The following TERF1 variants were observed in gnomAD, a reference collection of about 807,000 sequenced individuals.
The protein encoded by TERF1 is telomeric repeat binding factor 1.
A neutral mutation model predicts 55.1 loss-of-function variants in TERF1; 20 were observed. The ratio of observed to expected loss-of-function variants is 0.36; its 90% CI spans 0.26 to 0.53. The LOEUF (loss-of-function observed/expected upper bound fraction) is 0.53. Among genes scored for constraint, TERF1 ranks in the 20% least tolerant of loss-of-function variants. TERF1 has a pLI of 0.91. For missense variants in TERF1, 439 were observed against 535.7 expected, an observed-to-expected ratio of 0.82 and a Z score of 1.78; for synonymous variants, 168 against 181.2, an observed-to-expected ratio of 0.93 and a Z score of 0.59.
chr8:73,029,089 A>G (rs1010980903), intron 6 of TERF1, among the ~76,000 whole-genome samples: 3 of 152,198 alleles, frequency 2.0e-5, no homozygotes, highest in Non-Finnish European at 4.4e-5. Flanking sequence ...GCATCAAACC[A>G]CCAGTGTCAT....
At chr8:73,042,905 G>T (rs905761726) in intron 9 of TERF1, 1 of 152,152 alleles carries the variant, frequency 6.6e-6, no homozygotes, top group African/African-American at 2.4e-5. Flanking sequence ...ATAAAACAAA[G>T]GAAATGGGTT....
chr8:73,024,284 A>G lies in TERF1; in HGVS notation c.625-538A>G, dbSNP rs183910692. ...AAAATAACTACTTCTAGGAATATCA[A>G]ATCAGCATGGATAAATGTTGTAAAC... On this transcript the variant is annotated intron_variant, in intron 4 of 9. Transcript: ENST00000276603. Among the ~76,000 whole-genome samples, 104 of 152,356 alleles carry G rather than the reference A, an allele frequency of 6.8e-4. 1 individual carries two copies. The highest frequency in any genetic ancestry group is 1.4e-3 in the Admixed American group (21 of 15,308).
rs1267921187 is a variant in TERF1, at chr8:73,024,706, C to A, written c.625-116C>A. On this transcript the variant is annotated intron_variant, in intron 4 of 9. Transcript: ENST00000276603. Reference sequence around the variant, plus strand: ...ATTTAAAACTTAATTTTAAAAATATCTGTGTCTCTTGAGTTTGTAAAGTGA... The same window carrying A: ...ATTTAAAACTTAATTTTAAAAATATATGTGTCTCTTGAGTTTGTAAAGTGA... The A allele has an allele frequency of 5.4e-6, 4 of 742,364 alleles. No individual in the cohort carries two copies. In the East Asian group the frequency reaches 1.2e-4, roughly 22 times the overall value. 46.0% of individuals were successfully genotyped at this position (742,364 alleles called of 1,614,324 possible).
At chr8:73,015,683 A>G (rs1389689002) in intron 2 of TERF1, among the ~76,000 whole-genome samples, 2 of 151,466 alleles carry the variant, frequency 1.3e-5, no homozygotes, top group African/African-American at 4.8e-5. Flanking sequence ...TAAAAATACA[A>G]AAAAAAATAA....
intron 9 of TERF1, among the ~76,000 whole-genome samples, chr8:73,043,937 G>A (rs1372148416): frequency 6.6e-6 from 1 of 152,148 alleles, no homozygotes; most frequent in Non-Finnish European, 1.5e-5. Flanking sequence ...GAGTTGATAG[G>A]CTCTTTAAAG....
rs71949936 is a variant in TERF1, at chr8:73,017,707, C to CTT, written c.416-2964_416-2963dup. Among the ~76,000 whole-genome samples, 132 of 140,230 alleles carry CTT rather than the reference C, an allele frequency of 9.4e-4. 2 individuals carry two copies. The highest frequency in any genetic ancestry group is 7.4e-3 in the Middle Eastern group (2 of 272). The allele number at this position is 140,230 out of a possible 152,430, so 92.0% of individuals were successfully genotyped here. On this transcript the variant is annotated intron_variant, in intron 2 of 9. Coordinates refer to ENST00000276603, the MANE Select transcript of TERF1 (RefSeq NM_017489.3). ...GGGTATAGGCATCAATATTTTTTTT[C>CTT]TTTTTTTTTTTTTTGAGACAGAGTC... is the stretch of plus-strand genomic sequence containing the variant.
At chr8:73,028,899 A>G (rs1563465494) in intron 6 of TERF1, among the ~76,000 whole-genome samples, 1 of 152,178 alleles carries the variant, frequency 6.6e-6, no homozygotes, top group Non-Finnish European at 1.5e-5. Context: ...GAAGGTTCTT[A>G]CTTAGCTTTG....
intron 2 of TERF1, among the ~76,000 whole-genome samples, chr8:73,014,755 G>A (rs749366758): frequency 4.0e-4 from 61 of 152,232 alleles, no homozygotes; most frequent in Non-Finnish European, 7.6e-4. Flanking sequence ...TAAAATCCCA[G>A]TGTATTAGCA....
At chr8:73,009,256 C>T (rs1808170873) in intron 1 of TERF1, 51 bp downstream of exon 1, 3 of 1,560,020 alleles carry the variant, frequency 1.9e-6, no homozygotes, top group Non-Finnish European at 2.6e-6. Context: ...CGGATGCGGG[C>T]TCCGTGGTGC....
rs1376880394 is a variant in TERF1, at chr8:73,037,811, ATT to A, written c.1040-1304_1040-1303del. On this transcript the variant is annotated intron_variant, in intron 8 of 9. Transcript: ENST00000276603. Reference sequence around the variant, plus strand: ...TAATATATAGTATAATAATATATATATTATATATAATATATAGTATAATAATA... The same window carrying A: ...TAATATATAGTATAATAATATATATAATATATAATATATAGTATAATAATA... 1.9e-3 allele frequency among the ~76,000 whole-genome samples: 174 copies of A among 90,512 alleles called. 2 individuals are homozygous for A. The highest frequency in any genetic ancestry group is 6.8e-3 in the African/African-American group (158 of 23,376). The allele number at this position is 90,512 out of a possible 152,430, so 59.4% of individuals were successfully genotyped here.
intron 8 of TERF1, among the ~76,000 whole-genome samples, chr8:73,032,752 C>T (rs890326039): frequency 6.6e-6 from 1 of 151,988 alleles, no homozygotes; most frequent in Non-Finnish European, 1.5e-5. Flanking sequence ...ACAGTAGTTA[C>T]GTTTAATAAA....
intron 8 of TERF1, among the ~76,000 whole-genome samples, chr8:73,033,966 GAC>G (rs1372362353): frequency 6.6e-6 from 1 of 152,024 alleles, no homozygotes; most frequent in African/African-American, 2.4e-5. Flanking sequence ...TGTTTTTGGA[GAC>G]AGAGTCTTAC....
chr8:73,032,238 C>A, intron 8 of TERF1, 105 bp downstream of exon 8: 2 of 725,676 alleles, frequency 2.8e-6, no homozygotes, highest in Non-Finnish European at 4.4e-6. Context: ...CTTCAGAAAA[C>A]TGAAGCACAA....
At chr8:73,045,622 G>A (rs945618676) in intron 9 of TERF1, among the ~76,000 whole-genome samples, 6 of 152,114 alleles carry the variant, frequency 3.9e-5, no homozygotes, top group Non-Finnish European at 7.4e-5. Context: ...TTGGAGATTT[G>A]GAGGATAATA....
At chr8:73,040,806 T>C (rs1294605230) in intron 9 of TERF1, among the ~76,000 whole-genome samples, 1 of 152,212 alleles carries the variant, frequency 6.6e-6, no homozygotes, top group Non-Finnish European at 1.5e-5. Context: ...TTTTTCTGTT[T>C]ACTTTTCAGT....
At chr8:73,026,277 C>T (rs937543724) in intron 5 of TERF1, among the ~76,000 whole-genome samples, 3 of 151,504 alleles carry the variant, frequency 2.0e-5, no homozygotes, top group Non-Finnish European at 4.4e-5. Flanking sequence ...ATGGGTGGAT[C>T]GCTTGAGCCC....
At position 73,015,663 on chromosome 8, in the gene TERF1, C is replaced by A. The variant is rs557246738; in HGVS notation, c.415+1673C>A. On this transcript the variant is annotated intron_variant, in intron 2 of 9. Transcript: ENST00000276603. ...CCATCCTTGCTAACGTGGTGAAACC[C>A]CGTCTCTACTAAAAATACAAAAAAA... Among the ~76,000 whole-genome samples the A allele has an allele frequency of 5.8e-4, 87 of 150,442 alleles. 1 individual carries two copies. The highest frequency in any genetic ancestry group is 2.0e-3 in the African/African-American group (84 of 41,256).
Position 73,014,123 on chromosome 8 carries a change from G to A in TERF1, c.415+133G>A, listed in dbSNP as rs1808393535. On this transcript the variant is annotated intron_variant, in intron 2 of 9. Transcript: ENST00000276603. ...GTGCATAGGGGTGTGGGGGGGTGGT[G>A]TGTGTGTGTGTGTACACATACAGTC... The A allele has an allele frequency of 8.4e-6, 5 of 597,914 alleles. No individual in the cohort carries two copies. In the South Asian group the frequency reaches 1.1e-4, roughly 13 times the overall value. 37.0% of individuals were successfully genotyped at this position (597,914 alleles called of 1,614,324 possible).
At chr8:73,035,875 T>C (rs1809486511) in intron 8 of TERF1, among the ~76,000 whole-genome samples, 1 of 152,220 alleles carries the variant, frequency 6.6e-6, no homozygotes, top group Non-Finnish European at 1.5e-5. Flanking sequence ...TTGACTATTC[T>C]GGTGTTTTGG....
Sources: allele counts gnomAD v4.1 joint callset (sites outside exome capture counted in the v4.1 genomes callset), GRCh38; gene constraint gnomAD v4.1.1; transcripts MANE v1.5; gene names NCBI Gene and HGNC (gene_info 2026-07-23, HGNC 2026-07-21).